Variants in DNAH14 observed in about 807,000 individuals in gnomAD.
DNAH14 encodes the protein dynein axonemal heavy chain 14, also known as axonemal beta dynein heavy chain 14.
Under a neutral mutation model 520.9 loss-of-function variants are expected in DNAH14, and 478 were observed. That is an observed-to-expected ratio of 0.92 (90% CI 0.85 to 0.99). DNAH14 has a LOEUF of 0.99. Among genes scored for constraint, DNAH14 ranks in the 50% least tolerant of loss-of-function variants. DNAH14 has a pLI of 0.00. For missense variants in DNAH14, 4,831 were observed against 5,234.5 expected, an observed-to-expected ratio of 0.92 and a Z score of 2.38; for synonymous variants, 1,581 against 1,757.2, an observed-to-expected ratio of 0.90 and a Z score of 2.51.
At chr1:225,100,387 G>A (rs4653604) in intron 22 of DNAH14, among the ~76,000 whole-genome samples, 50,633 of 151,914 alleles carry the variant, frequency 0.33, 10,073 homozygotes, top group East Asian at 0.54. Flanking sequence ...GCTCTAGATC[G>A]TCAGTAACCC....
intron 17 of DNAH14, among the ~76,000 whole-genome samples, chr1:225,060,628 T>C (rs993938174): frequency 1.3e-4 from 20 of 150,656 alleles, no homozygotes; most frequent in African/African-American, 4.9e-4. Context: ...CTCTGTTTTT[T>C]CCCTATCTTT....
At chr1:225,019,851 T>A (rs575968045) in intron 10 of DNAH14, among the ~76,000 whole-genome samples, 2 of 151,906 alleles carry the variant, frequency 1.3e-5, no homozygotes, top group South Asian at 2.1e-4. Context: ...AGGACACAAC[T>A]AAAGAAGGAT....
At chr1:225,068,784 T>A (rs1213095926) in intron 17 of DNAH14, among the ~76,000 whole-genome samples, 1 of 152,230 alleles carries the variant, frequency 6.6e-6, no homozygotes, top group Non-Finnish European at 1.5e-5. Flanking sequence ...TAGTTATTTT[T>A]GCACGTTGAT....
At chr1:225,162,795 G>A (rs2081644257) in intron 35 of DNAH14, among the ~76,000 whole-genome samples, 1 of 151,884 alleles carries the variant, frequency 6.6e-6, no homozygotes, top group South Asian at 2.1e-4. Context: ...ACTATAAATG[G>A]GATTACTTTT....
chr1:224,995,334 GT>G (rs979709211), intron 8 of DNAH14, among the ~76,000 whole-genome samples: 11 of 150,964 alleles, frequency 7.3e-5, no homozygotes, highest in South Asian at 2.1e-4. Context: ...TGCAGGGGTT[GT>G]TTTTTTTTCC....
intron 17 of DNAH14, among the ~76,000 whole-genome samples, chr1:225,071,754 C>A (rs951896434): frequency 1.3e-5 from 2 of 152,168 alleles, no homozygotes; most frequent in African/African-American, 4.8e-5. Flanking sequence ...GCATGTTTGT[C>A]TTCACATGGT....
intron 11 of DNAH14, among the ~76,000 whole-genome samples, chr1:225,027,925 A>G (rs1345903399): frequency 3.3e-5 from 5 of 151,742 alleles, no homozygotes; most frequent in Non-Finnish European, 7.4e-5. Context: ...AATGTAGCAT[A>G]TTACATTACA....
rs182852511 is a variant in DNAH14 at position 225,385,074 on chromosome 1, A to G, written c.13078-3305A>G. Among the ~76,000 whole-genome samples the G allele has an allele frequency of 1.0e-3, 158 of 152,352 alleles. 1 individual carries two copies. The highest frequency in any genetic ancestry group is 3.7e-3 in the African/African-American group (152 of 41,588). On this transcript the variant is annotated intron_variant, in intron 81 of 85. Coordinates refer to ENST00000682510, the MANE Select transcript of DNAH14 (RefSeq NM_001367479.1). ...CCATGGGATGCAGGGGTGGTTCAAC[A>G]TACACAAATCAATAAACGTAATCCA...
chr1:225,204,278 G>T lies in DNAH14; in HGVS notation c.5977+5G>T. ...TTAAAATTCCAGAAAATCACAGTAAGTGTTACTAAATTCAAGAAAGATTAT... is the reference window on the plus strand; with the variant it reads ...TTAAAATTCCAGAAAATCACAGTAATTGTTACTAAATTCAAGAAAGATTAT... On this transcript the variant is annotated splice_donor_5th_base_variant and intron_variant, in intron 39 of 85. Coordinates refer to ENST00000682510, the MANE Select transcript of DNAH14 (RefSeq NM_001367479.1). The T allele has an allele frequency of 7.1e-7, 1 of 1,416,726 alleles. No individual in the cohort carries two copies. Among genetic ancestry groups the T allele is most frequent in the Non-Finnish European group, 9.4e-7 (1 of 1,066,160 alleles). 87.8% of individuals were successfully genotyped at this position (1,416,726 alleles called of 1,614,324 possible). A position where few individuals can be genotyped will look rare whatever the true frequency, so the allele number is the denominator to read the frequency against.
Position 225,392,369 on chromosome 1 carries a change from T to G in DNAH14, c.13409T>G (p.Val4470Gly). ...GATGCCCTCACCTTCACCCACCATG[T>G]GATTTCCAACACCACTGACAAGGAT... ...AVDALTFTHH[V>G]ISNTTDKDEK... is the part of the protein sequence containing the mutation. The change falls in exon 84 of 86, where the codon GTG (valine) becomes GGG (glycine). Residue 4470 changes from valine to glycine, a missense_variant. Val to Gly is a moderately radical substitution (Grantham distance 109). Transcript: ENST00000682510. 3 of 1,552,320 alleles carry G rather than the reference T, an allele frequency of 1.9e-6. No homozygotes were observed. Among genetic ancestry groups the G allele is most frequent in the Non-Finnish European group, 2.6e-6 (3 of 1,147,130 alleles).
intron 17 of DNAH14, among the ~76,000 whole-genome samples, chr1:225,074,349 T>G (rs2071976354): frequency 6.6e-6 from 1 of 152,192 alleles, no homozygotes; most frequent in Non-Finnish European, 1.5e-5. Context: ...CTGGTGGGAT[T>G]GGCTGGAGAA....
chr1:225,121,156 A>C (rs578242190), intron 26 of DNAH14, among the ~76,000 whole-genome samples: 1 of 152,318 alleles, frequency 6.6e-6, no homozygotes, highest in East Asian at 1.9e-4. Flanking sequence ...AATTGTATCT[A>C]TTATGGCATA....
At chr1:225,173,363 G>A (rs1049633540) in intron 36 of DNAH14, among the ~76,000 whole-genome samples, 2 of 152,148 alleles carry the variant, frequency 1.3e-5, no homozygotes, top group East Asian at 1.9e-4. Flanking sequence ...CTACTCATCT[G>A]ACAAAGGGCT....
At chr1:225,201,925 G>C (rs952958790) in intron 38 of DNAH14, among the ~76,000 whole-genome samples, 1 of 146,838 alleles carries the variant, frequency 6.8e-6, no homozygotes, top group Non-Finnish European at 1.5e-5. Context: ...CCCCAGGCTG[G>C]AGTGCAATGG....
intron 46 of DNAH14, among the ~76,000 whole-genome samples, chr1:225,261,674 T>A (rs914545361): frequency 6.6e-6 from 1 of 152,094 alleles, no homozygotes; most frequent in African/African-American, 2.4e-5. Flanking sequence ...TTGGCAGTAT[T>A]CCCTCCACTT....
rs139852523 is a variant in DNAH14, at chr1:225,076,533, G to A, written c.2425-2674G>A. Among the ~76,000 whole-genome samples, 38 of 152,266 alleles carry A rather than the reference G, an allele frequency of 2.5e-4. No homozygotes were observed. The East Asian group carries it at 4.1e-3, about 16-fold the overall frequency. On this transcript the variant is annotated intron_variant, in intron 17 of 85. Transcript: ENST00000682510. ...CAGGGATATGATTGCTGGAGAGTAC[G>A]ATTCCACCGTCTTGCTCCCTGTTAT...
intron 36 of DNAH14, among the ~76,000 whole-genome samples, chr1:225,176,549 C>CATACA (rs1559191022): frequency 1.7e-5 from 2 of 119,622 alleles, no homozygotes; most frequent in African/African-American, 6.2e-5. Flanking sequence ...AAATTTCCTA[C>CATACA]TATTATTGTA....
chr1:225,241,682 A>G (rs1427203245), intron 43 of DNAH14, among the ~76,000 whole-genome samples: 2 of 152,234 alleles, frequency 1.3e-5, no homozygotes, highest in Non-Finnish European at 2.9e-5. Context: ...ACTGTAGGCA[A>G]TTGTAACAAA....
chr1:225,082,206 G>T (rs948572044), intron 19 of DNAH14, among the ~76,000 whole-genome samples: 2 of 150,522 alleles, frequency 1.3e-5, no homozygotes, highest in African/African-American at 4.9e-5. Context: ...GTGCACATGC[G>T]CATGTACCCA....
Sources: allele counts gnomAD v4.1 joint callset (sites outside exome capture counted in the v4.1 genomes callset), GRCh38; gene constraint gnomAD v4.1.1; transcripts MANE v1.5; gene names NCBI Gene and HGNC (gene_info 2026-07-23, HGNC 2026-07-21).